The following SATB1 variants were observed in gnomAD, a reference collection of about 807,000 sequenced individuals.
SATB1 encodes the protein DNA-binding protein SATB1.
Under a neutral mutation model 86.9 loss-of-function variants are expected in SATB1, and 11 were observed. The observed-to-expected ratio is 0.13, with a 90% CI of 0.08 to 0.21. The LOEUF (loss-of-function observed/expected upper bound fraction) is 0.21, where lower values mean the gene tolerates loss of function less well. SATB1 is among the 10% of genes least tolerant of loss of function. The pLI is 1.00. For missense variants in SATB1, 551 were observed against 937.6 expected (o/e 0.59, Z 5.39); for synonymous variants, 357 against 357.2 (o/e 1.00, Z 0.01).
intron 9 of SATB1, among the ~76,000 whole-genome samples, chr3:18,357,504 G>A (rs1387799455): frequency 6.8e-6 from 1 of 147,504 alleles, no homozygotes; most frequent in African/African-American, 2.5e-5. Flanking sequence ...AATGAAGACA[G>A]TTTTTAATCT....
In SATB1 at chr3:18,345,434, T is replaced by C. The variant is rs1256029390; in HGVS notation, c.*3736A>G. Reference sequence around the variant, plus strand: ...AACATTTGGTATTGTTAAACAGGTATAGTATTCAGGACATACACCTTCTAC... The same window carrying C: ...AACATTTGGTATTGTTAAACAGGTACAGTATTCAGGACATACACCTTCTAC... On this transcript the variant is annotated 3_prime_UTR_variant, in exon 11 of 11. Transcript: ENST00000338745. The C allele has an allele frequency of 6.6e-6, 1 of 152,162 alleles. No individual in the cohort carries two copies. The highest frequency in any genetic ancestry group is 1.5e-5 in the Non-Finnish European group (1 of 67,964). 9.4% of individuals were successfully genotyped at this position (152,162 alleles called of 1,614,324 possible).
At chr3:18,404,788 T>C (rs1378901994) in intron 5 of SATB1, among the ~76,000 whole-genome samples, 1 of 147,486 alleles carries the variant, frequency 6.8e-6, no homozygotes, top group African/African-American at 2.4e-5. Flanking sequence ...CTTATCACAC[T>C]GAAACCTAAC....
intron 7 of SATB1, among the ~76,000 whole-genome samples, chr3:18,390,889 T>C (rs1696626000): frequency 6.6e-6 from 1 of 152,048 alleles, no homozygotes; most frequent in Non-Finnish European, 1.5e-5. Flanking sequence ...AGCAATAAGA[T>C]AGAGAAGTGA....
Position 18,417,145 on chromosome 3 carries a change from C to T in SATB1, c.212-67G>A, listed in dbSNP as rs531555378. 291 of 1,502,654 alleles carry T rather than the reference C, an allele frequency of 1.9e-4. 1 individual carries two copies. Among genetic ancestry groups the T allele is most frequent in the Admixed American group, 7.3e-4 (38 of 52,308 alleles). The allele number at this position is 1,502,654 out of a possible 1,614,324, so 93.1% of individuals were successfully genotyped here. A position where few individuals can be genotyped will look rare whatever the true frequency, so the allele number is the denominator to read the frequency against. On this transcript the variant is annotated intron_variant, in intron 2 of 10. Coordinates refer to ENST00000338745, the MANE Select transcript of SATB1 (RefSeq NM_002971.6). ...CTTCAGAAATACAGCTTGGGGGTGG[C>T]GGGAGGAAATATTAGCCATGAAAAT...
intron 9 of SATB1, among the ~76,000 whole-genome samples, chr3:18,370,021 G>A (rs1413197259): frequency 6.6e-6 from 1 of 152,138 alleles, no homozygotes; most frequent in Non-Finnish European, 1.5e-5. Flanking sequence ...AACTCCCAAG[G>A]GGGAGACCTA....
rs1553615759 is a variant in SATB1, at chr3:18,362,872, A to AAAAC, written c.1576-10678_1576-10677insGTTT. On this transcript the variant is annotated intron_variant, in intron 9 of 10. Transcript: ENST00000338745. ...TATATGCCATGTGCAAAAAAAAAAA[A>AAAAC]AAAAAAAAACCAAAACCCCAAATAA... Among the ~76,000 whole-genome samples the AAAAC allele has an allele frequency of 3.4e-5, 5 of 147,284 alleles. 1 individual carries two copies. The highest frequency in any genetic ancestry group is 3.9e-4 in the East Asian group (2 of 5,064).
intron 9 of SATB1, among the ~76,000 whole-genome samples, chr3:18,377,023 C>T (rs1338119940): frequency 6.6e-6 from 1 of 152,146 alleles, no homozygotes; most frequent in African/African-American, 2.4e-5. Flanking sequence ...TCCAAGATAT[C>T]CCTTAAGTAT....
At chr3:18,351,046 ACTGGGGCC>A (rs1324685901) in intron 10 of SATB1, 3 of 449,866 alleles carry the variant, frequency 6.7e-6, no homozygotes, top group African/African-American at 6.0e-5. Flanking sequence ...TTTCTAAGCA[ACTGGGGCC>A]CTAAGAGCGC....
At chr3:18,417,206 A>G in intron 2 of SATB1, 128 bp from the exon 3 acceptor site, 1 of 886,944 alleles carries the variant, frequency 1.1e-6, no homozygotes, top group Non-Finnish European at 1.8e-6. Flanking sequence ...CTTCCAAGGC[A>G]GACTGGGTAC....
At chr3:18,350,824 TG>T (rs1390528417) in intron 10 of SATB1, 1 of 156,500 alleles carries the variant, frequency 6.4e-6, no homozygotes, top group Non-Finnish European at 1.4e-5. Context: ...ACTTTATTAC[TG>T]TTTTTAGTTA....
intron 2 of SATB1, among the ~76,000 whole-genome samples, chr3:18,431,240 T>C (rs554704052): frequency 1.1e-4 from 17 of 152,262 alleles, no homozygotes; most frequent in African/African-American, 3.9e-4. Context: ...TCATGTCCCT[T>C]CTCACTTGAG....
chr3:18,438,374 GT>G (rs1367888578), intron 1 of SATB1, among the ~76,000 whole-genome samples: 2 of 152,094 alleles, frequency 1.3e-5, no homozygotes, highest in Non-Finnish European at 2.9e-5. Flanking sequence ...ACTTGCTACT[GT>G]ATCTCACCAC....
In SATB1 at chr3:18,365,678, G is replaced by A. The variant is rs533893270; in HGVS notation, c.1575+12492C>T. Among the ~76,000 whole-genome samples the A allele has an allele frequency of 2.4e-4, 36 of 152,268 alleles. 1 individual carries two copies. The highest frequency in any genetic ancestry group is 1.0e-3 in the South Asian group (5 of 4,824). On this transcript the variant is annotated intron_variant, in intron 9 of 10. Transcript: ENST00000338745. ...GTAGAAAATAATTGAGCACATAACC[G>A]TCTGATAACTTTATATTATATGTGG...
At chr3:18,359,584 G>C (rs1221797583) in intron 9 of SATB1, among the ~76,000 whole-genome samples, 1 of 151,826 alleles carries the variant, frequency 6.6e-6, no homozygotes, top group Non-Finnish European at 1.5e-5. Context: ...GGGTAGTTTA[G>C]TCAAAGCTGA....
chr3:18,363,686 A>C (rs1316970858), intron 9 of SATB1, among the ~76,000 whole-genome samples: 1 of 152,104 alleles, frequency 6.6e-6, no homozygotes, highest in Non-Finnish European at 1.5e-5. Flanking sequence ...GAGCTGATTA[A>C]AATTTACTTC....
chr3:18,401,808 C>T (rs1697283343), intron 5 of SATB1, among the ~76,000 whole-genome samples: 1 of 152,104 alleles, frequency 6.6e-6, no homozygotes, highest in Non-Finnish European at 1.5e-5. Flanking sequence ...CATGTCTACT[C>T]CCTATGAGGA....
At chr3:18,390,205 C>T (rs959146989) in intron 7 of SATB1, among the ~76,000 whole-genome samples, 2 of 152,094 alleles carry the variant, frequency 1.3e-5, no homozygotes, top group East Asian at 1.9e-4. Flanking sequence ...TCTGGCCTCC[C>T]GTTTGTCTCC....
At chr3:18,397,658 CG>C (rs1293014741) in intron 5 of SATB1, among the ~76,000 whole-genome samples, 2 of 152,130 alleles carry the variant, frequency 1.3e-5, no homozygotes, top group East Asian at 3.9e-4. Flanking sequence ...CGAGACTTCG[CG>C]ATTTTTTGAC....
In SATB1 at chr3:18,378,157, C is replaced by G. The variant is rs1695858296; in HGVS notation, c.1575+13G>C. On this transcript the variant is annotated intron_variant, in intron 9 of 10. Transcript: ENST00000338745. ...ACAGATAAACATTCTCAATGCCTAA[C>G]AGAGGCTCTTACCTGGCTTTTGGTT... The G allele has an allele frequency of 6.4e-7, 1 of 1,558,158 alleles. No homozygotes were observed. Among genetic ancestry groups the G allele is most frequent in the South Asian group, 1.3e-5 (1 of 78,926 alleles).
Sources: allele counts gnomAD v4.1 joint callset (sites outside exome capture counted in the v4.1 genomes callset), GRCh38; gene constraint gnomAD v4.1.1; transcripts MANE v1.5; gene names NCBI Gene and HGNC (gene_info 2026-07-23, HGNC 2026-07-21).